The following SERPINB8 variants were observed in gnomAD, a reference collection of about 807,000 sequenced individuals.
The protein encoded by SERPINB8 is serpin family B member 8.
In SERPINB8, 25 loss-of-function variants were observed where a neutral mutation model predicts 35.3. The observed-to-expected ratio is 0.71, with a 90% CI of 0.52 to 0.99. SERPINB8 has a LOEUF of 0.99. Ranked by LOEUF, SERPINB8 falls within the 50% of genes least tolerant of loss-of-function variation. SERPINB8 has a pLI of 0.00. For missense variants in SERPINB8, 484 were observed against 446.5 expected (o/e 1.08, Z -0.76); for synonymous variants, 186 against 160.8 (o/e 1.16, Z -1.19).
chr18:63,975,945 G>A (rs992193711), intron 1 of SERPINB8, among the ~76,000 whole-genome samples: 2 of 152,202 alleles, frequency 1.3e-5, no homozygotes, highest in Non-Finnish European at 2.9e-5. Flanking sequence ...TTTCAGAGCT[G>A]CTGCAACAGG....
chr18:63,980,350 A>C (rs1342731217), intron 3 of SERPINB8, among the ~76,000 whole-genome samples: 1 of 152,238 alleles, frequency 6.6e-6, no homozygotes, highest in Non-Finnish European at 1.5e-5. Context: ...CGTCTTTCTA[A>C]AATGAAAATC....
At chr18:64,008,998 C>T (rs940985530), downstream of SERPINB8, among the ~76,000 whole-genome samples, 3 of 152,066 alleles carry the variant, frequency 2.0e-5, no homozygotes, top group Non-Finnish European at 4.4e-5. Flanking sequence ...TACAGTAGAA[C>T]GCAGCATACA....
At chr18:64,012,072 C>T (rs559587114) in intron 7 of SERPINB8, among the ~76,000 whole-genome samples, 1 of 152,076 alleles carries the variant, frequency 6.6e-6, no homozygotes, top group South Asian at 2.1e-4. Context: ...AGACCCGTAA[C>T]TATTTAAAAG....
exon 8 of SERPINB8, chr18:64,019,369 G>A (rs975465107): frequency 2.0e-5 from 3 of 152,186 alleles, no homozygotes; most frequent in African/African-American, 4.8e-5. Flanking sequence ...TGTACCTAGG[G>A]CCAGTGCTCT....
In SERPINB8 at chr18:63,988,812, C is replaced by T. The variant is rs1428901332; in HGVS notation, c.*1534C>T. 1 of 152,252 alleles carries T rather than the reference C, an allele frequency of 6.6e-6. No individual in the cohort carries two copies. Among genetic ancestry groups the T allele is most frequent in the African/African-American group, 2.4e-5 (1 of 41,466 alleles). 9.4% of individuals were successfully genotyped at this position (152,252 alleles called of 1,614,324 possible). A position where few individuals can be genotyped will look rare whatever the true frequency, so the allele number is the denominator to read the frequency against. ...AGCAGGTTTGGGCAAAATTAATCCA[C>T]AGGACTGAAAGGTATACATCTGTGA... is the stretch of plus-strand genomic sequence containing the variant. On this transcript the variant is annotated 3_prime_UTR_variant, in exon 7 of 7. Transcript: ENST00000397985.
intron 2 of SERPINB8, 152 bp from the exon 3 acceptor site, chr18:63,979,649 C>A: frequency 1.2e-6 from 1 of 849,836 alleles, no homozygotes. Context: ...GCTGCATTGC[C>A]CACGTTGAGA....
chr18:64,007,242 C>G (rs1377737659), downstream of SERPINB8, among the ~76,000 whole-genome samples: 2 of 151,740 alleles, frequency 1.3e-5, no homozygotes, highest in African/African-American at 4.8e-5. Context: ...GAAAAGTCTT[C>G]AAGAAGATGT....
chr18:63,972,799 T>TCC (rs1209329232), intron 1 of SERPINB8, among the ~76,000 whole-genome samples: 4 of 152,198 alleles, frequency 2.6e-5, no homozygotes, highest in Non-Finnish European at 5.9e-5. Flanking sequence ...TTCATCCATG[T>TCC]CCCTACAAAG....
chr18:63,974,435 C>T (rs2050548481), intron 1 of SERPINB8, among the ~76,000 whole-genome samples: 1 of 152,088 alleles, frequency 6.6e-6, no homozygotes, highest in Non-Finnish European at 1.5e-5. Context: ...AGGAGGAGGA[C>T]AATATCATAT....
At chr18:64,009,901 G>A (rs1479343607), downstream of SERPINB8, among the ~76,000 whole-genome samples, 1 of 151,878 alleles carries the variant, frequency 6.6e-6, no homozygotes, top group Non-Finnish European at 1.5e-5. Flanking sequence ...ATATATTTGT[G>A]ACAAAACAAT....
chr18:64,016,208 G>T (rs2050949350), intron 7 of SERPINB8, among the ~76,000 whole-genome samples: 1 of 152,162 alleles, frequency 6.6e-6, no homozygotes, highest in Non-Finnish European at 1.5e-5. Flanking sequence ...TCTGGGAAAG[G>T]CTTTGCTTAT....
intron 3 of SERPINB8, 134 bp from the exon 4 acceptor site, chr18:63,981,587 A>G (rs1480021376): frequency 1.5e-6 from 1 of 653,206 alleles, no homozygotes; most frequent in African/African-American, 1.8e-5. Context: ...TGTTAATTGC[A>G]CGCATGCACC....
chr18:63,971,934 T>G (rs1180705469), intron 1 of SERPINB8, among the ~76,000 whole-genome samples: 1 of 151,994 alleles, frequency 6.6e-6, no homozygotes, highest in African/African-American at 2.4e-5. Context: ...TGCTAATTCC[T>G]CAGCCTATTA....
chr18:63,986,506 A>G, intron 6 of SERPINB8: 1 of 1,347,080 alleles, frequency 7.4e-7, no homozygotes, highest in African/African-American at 1.5e-5. Flanking sequence ...TCTTTTGTCA[A>G]ACAATCTCTC....
At chr18:64,011,166 A>T (rs895266094) in intron 7 of SERPINB8, among the ~76,000 whole-genome samples, 1 of 152,070 alleles carries the variant, frequency 6.6e-6, no homozygotes, top group African/African-American at 2.4e-5. Context: ...TAGATTGGAA[A>T]TGAACAGCAG....
chr18:63,975,136 CACA>C (rs1432512579), intron 1 of SERPINB8, among the ~76,000 whole-genome samples: 20 of 152,112 alleles, frequency 1.3e-4, no homozygotes, highest in East Asian at 1.9e-4. Flanking sequence ...CACACACACA[CACA>C]CCCCAACCTA....
At chr18:64,004,706 A>C (rs2050891830) in intron 1 of SERPINB8, 1 of 396,748 alleles carries the variant, frequency 2.5e-6, no homozygotes, top group East Asian at 3.6e-5. Context: ...TTTATCTAGC[A>C]ATGGTGCCAC....
chr18:64,003,567 T>C (rs1045619841), intron 1 of SERPINB8, among the ~76,000 whole-genome samples: 3 of 149,732 alleles, frequency 2.0e-5, no homozygotes, highest in Admixed American at 2.0e-4. Context: ...GTATTTGTTA[T>C]GAGAAATTGG....
At chr18:63,986,608 G>T in intron 6 of SERPINB8, 11 of 1,311,518 alleles carry the variant, frequency 8.4e-6, no homozygotes, top group Non-Finnish European at 1.1e-5. Context: ...ACATTTGAAA[G>T]GAGTTAGGTA....
Sources: allele counts gnomAD v4.1 joint callset (sites outside exome capture counted in the v4.1 genomes callset), GRCh38; gene constraint gnomAD v4.1.1; transcripts MANE v1.5; gene names NCBI Gene and HGNC (gene_info 2026-07-23, HGNC 2026-07-21).